RNF11: variants seen among roughly 807,000 people sequenced by gnomAD.
RNF11 encodes the protein ring finger protein 11.
A neutral mutation model predicts 15.8 loss-of-function variants in RNF11; 4 were observed. The ratio of observed to expected loss-of-function variants is 0.25; its 90% CI spans 0.12 to 0.58. RNF11 has a LOEUF of 0.58. Ranked by LOEUF, RNF11 falls within the 20% of genes least tolerant of loss-of-function variation. The probability of loss-of-function intolerance (pLI) is 0.91; values close to 1 mark genes in which losing one functional copy is unlikely to be tolerated. For synonymous variants in RNF11, 68 were observed against 72.3 expected (o/e 0.94, Z 0.30); for missense variants, 139 against 194.4 (o/e 0.71, Z 1.70).
At position 51,262,715 on chromosome 1, in the gene RNF11, C is replaced by CTTTTTTTTTTT. The variant is rs35542254; in HGVS notation, c.124-7227_124-7217dup. ...GTGTGCACTACCACCGCCTGCTAATCTTTTTTTTTTTTTTTTTTTTTTTTG... is the reference window on the plus strand; with the variant it reads ...GTGTGCACTACCACCGCCTGCTAATCTTTTTTTTTTTTTTTTTTTTTTTTTTTTTTTTTTTG... On this transcript the variant is annotated intron_variant, in intron 1 of 2. Coordinates refer to ENST00000242719, the MANE Select transcript of RNF11 (RefSeq NM_014372.5). Among the ~76,000 whole-genome samples the CTTTTTTTTTTT allele has an allele frequency of 4.7e-3, 392 of 84,128 alleles. 1 individual carries two copies. The highest frequency in any genetic ancestry group is 8.2e-3 in the African/African-American group (169 of 20,534). The allele number at this position is 84,128 out of a possible 152,430, so 55.2% of individuals were successfully genotyped here.
At chr1:51,244,996 G>A (rs1237636500) in intron 1 of RNF11, among the ~76,000 whole-genome samples, 1 of 151,600 alleles carries the variant, frequency 6.6e-6, no homozygotes, top group African/African-American at 2.4e-5. Context: ...TTAGGTAATA[G>A]TAGAAACCTT....
intron 1 of RNF11, among the ~76,000 whole-genome samples, chr1:51,257,484 T>C (rs1646908997): frequency 6.6e-6 from 1 of 152,172 alleles, no homozygotes; most frequent in South Asian, 2.1e-4. Flanking sequence ...GGAGATAGTC[T>C]TGCTCTGCGG....
intron 1 of RNF11, among the ~76,000 whole-genome samples, chr1:51,244,038 C>T (rs144597685): frequency 6.6e-6 from 1 of 152,334 alleles, no homozygotes; most frequent in African/African-American, 2.4e-5. Flanking sequence ...ATTTCTCCTA[C>T]ATACACTTTT....
At chr1:51,245,137 G>C (rs1646846122) in intron 1 of RNF11, among the ~76,000 whole-genome samples, 1 of 152,144 alleles carries the variant, frequency 6.6e-6, no homozygotes, top group Non-Finnish European at 1.5e-5. Flanking sequence ...ACGGCTCACT[G>C]AAGCCTCAAC....
intron 1 of RNF11, chr1:51,251,508 A>G: frequency 3.4e-6 from 2 of 591,088 alleles, no homozygotes; most frequent in South Asian, 4.2e-5. Context: ...ATTTGTGACA[A>G]TTTGAATAAA....
chr1:51,240,372 C>G (rs1227610806), intron 1 of RNF11, among the ~76,000 whole-genome samples: 1 of 152,122 alleles, frequency 6.6e-6, no homozygotes, highest in African/African-American at 2.4e-5. Context: ...CTCACTGCCC[C>G]CTTAAACCTT....
At chr1:51,245,793 A>G (rs932900022) in intron 1 of RNF11, among the ~76,000 whole-genome samples, 2 of 152,222 alleles carry the variant, frequency 1.3e-5, no homozygotes, top group East Asian at 1.9e-4. Context: ...CAGGACAGAA[A>G]TACATCCCTA....
intron 1 of RNF11, among the ~76,000 whole-genome samples, chr1:51,248,639 TAATC>T (rs1366882167): frequency 2.6e-5 from 4 of 152,206 alleles, no homozygotes; most frequent in Non-Finnish European, 4.4e-5. Flanking sequence ...AAATAGTACA[TAATC>T]AATTATTAAA....
At position 51,269,969 on chromosome 1, in the gene RNF11, T is replaced by G. The variant is rs771988383; in HGVS notation, c.137T>G (p.Val46Gly). 6.2e-7 allele frequency: 1 copy of G among 1,611,958 alleles called. No homozygotes were observed. Among genetic ancestry groups the G allele is most frequent in the Non-Finnish European group, 8.5e-7 (1 of 1,179,386 alleles). Residue 46 changes from valine (V) to glycine (G), a missense_variant, in exon 2 of 3, where the codon GTT becomes GGT. Transcript: ENST00000242719. ...PPPPYQEQVP[V>G]PVYHPTPSQT... ...TTAATATTTTAGGAACAAGTTCCAGTTCCAGTCTACCACCCAACACCTAGC... is the reference window on the plus strand; with the variant it reads ...TTAATATTTTAGGAACAAGTTCCAGGTCCAGTCTACCACCCAACACCTAGC...
At chr1:51,244,060 C>T (rs1407543150) in intron 1 of RNF11, among the ~76,000 whole-genome samples, 3 of 152,336 alleles carry the variant, frequency 2.0e-5, no homozygotes, top group Admixed American at 6.5e-5. Context: ...TTAATCTGAA[C>T]TCCTTTATTC....
chr1:51,243,578 A>G (rs1489319963), intron 1 of RNF11, among the ~76,000 whole-genome samples: 2 of 152,120 alleles, frequency 1.3e-5, no homozygotes, highest in African/African-American at 4.8e-5. Context: ...AGCTGGGATT[A>G]CAGGCATGCG....
chr1:51,267,139 T>A (rs1223401867), intron 1 of RNF11, among the ~76,000 whole-genome samples: 2 of 152,162 alleles, frequency 1.3e-5, no homozygotes, highest in Non-Finnish European at 2.9e-5. Context: ...CTGGGGAGGC[T>A]GCAGTGGGAG....
intron 1 of RNF11, among the ~76,000 whole-genome samples, chr1:51,248,353 G>A (rs901806308): frequency 6.6e-6 from 1 of 151,790 alleles, no homozygotes. Flanking sequence ...GATTATAGGC[G>A]GCGCCACCAT....
chr1:51,240,242 T>C (rs1331024518), intron 1 of RNF11, among the ~76,000 whole-genome samples: 1 of 152,242 alleles, frequency 6.6e-6, no homozygotes, highest in African/African-American at 2.4e-5. Flanking sequence ...ACCCCTTTGT[T>C]GGCTTCCCTC....
chr1:51,264,259 CAAAAAAAAA>C (rs1158509807), intron 1 of RNF11, among the ~76,000 whole-genome samples: 27 of 25,498 alleles, frequency 1.1e-3, no homozygotes, highest in African/African-American at 3.3e-3. Flanking sequence ...GACCCTATCT[CAAAAAAAAA>C]AAAAAAAAAA....
intron 1 of RNF11, among the ~76,000 whole-genome samples, chr1:51,258,129 C>T (rs1239924784): frequency 1.3e-5 from 2 of 152,122 alleles, no homozygotes; most frequent in Admixed American, 6.6e-5. Flanking sequence ...GCTGGGATTA[C>T]GGGTGTGAGC....
intron 1 of RNF11, among the ~76,000 whole-genome samples, chr1:51,264,259 CAAAAAAAAAAAAAAA>C (rs1158509807): frequency 2.7e-4 from 7 of 25,516 alleles, no homozygotes; most frequent in African/African-American, 9.9e-4. Context: ...GACCCTATCT[CAAAAAAAAAAAAAAA>C]AAAAAAAAAA....
At chr1:51,240,697 C>T (rs545589579) in intron 1 of RNF11, among the ~76,000 whole-genome samples, 1 of 152,262 alleles carries the variant, frequency 6.6e-6, no homozygotes, top group Non-Finnish European at 1.5e-5. Flanking sequence ...TACAAGAACT[C>T]TGCATATTCC....
intron 1 of RNF11, chr1:51,251,232 A>G: frequency 7.5e-7 from 1 of 1,336,208 alleles, no homozygotes; most frequent in East Asian, 2.3e-5. Context: ...CAGGGAGAAG[A>G]GATAGATCTC....
Sources: gnomAD v4.1 joint callset for allele counts (sites outside exome capture counted in the v4.1 genomes callset) on GRCh38, gnomAD v4.1.1 for gene constraint, MANE v1.5 for transcripts, NCBI Gene and HGNC (gene_info 2026-07-23, HGNC 2026-07-21) for gene names.